P4HA1: variants seen among roughly 807,000 people sequenced by gnomAD.
P4HA1 encodes the protein prolyl 4-hydroxylase subunit alpha 1.
A neutral mutation model predicts 72.8 loss-of-function variants in P4HA1; 24 were observed. The observed-to-expected ratio is 0.33, with a 90% CI of 0.24 to 0.46. The LOEUF (loss-of-function observed/expected upper bound fraction) is 0.46, where lower values mean the gene tolerates loss of function less well. P4HA1 is among the 20% of genes least tolerant of loss of function. P4HA1 has a pLI of 1.00. For missense variants in P4HA1, 446 were observed against 640.6 expected, an observed-to-expected ratio of 0.70 and a Z score of 3.28; for synonymous variants, 201 against 218.8, an observed-to-expected ratio of 0.92 and a Z score of 0.72.
chr10:73,084,341 G>A (rs917164636), intron 1 of P4HA1, among the ~76,000 whole-genome samples: 1 of 152,204 alleles, frequency 6.6e-6, no homozygotes, highest in Non-Finnish European at 1.5e-5. Context: ...TGCCCAGTCT[G>A]GAGTGCAGTG....
chr10:73,078,364 C>T (rs1166490468), intron 1 of P4HA1, among the ~76,000 whole-genome samples: 2 of 151,972 alleles, frequency 1.3e-5, no homozygotes, highest in East Asian at 3.9e-4. Flanking sequence ...ATGAACACAT[C>T]CTTTAACTTG....
rs142956792 is a variant in P4HA1 at position 73,074,081 on chromosome 10, A to G, written c.77-254T>C. The G allele has an allele frequency of 2.8e-5, 11 of 386,134 alleles. No individual in the cohort carries two copies. In the East Asian group the frequency reaches 4.8e-4, roughly 17 times the overall value. The allele number at this position is 386,134 out of a possible 1,614,324, so 23.9% of individuals were successfully genotyped here. On this transcript the variant is annotated intron_variant, in intron 2 of 14. Coordinates refer to ENST00000394890, the MANE Select transcript of P4HA1 (RefSeq NM_001017962.3). ...TAGACTGTGCTAGCAAATTGTCTTT[A>G]TATCTACAAATGTATTTTTAAATTG...
chr10:73,037,010 T>TA lies in P4HA1; in HGVS notation c.1149-6641dup, dbSNP rs11393613. On this transcript the variant is annotated intron_variant, in intron 9 of 14. Transcript: ENST00000394890. Reference sequence around the variant, plus strand: ...CTTTAACTGAGTTGGGATTTTTTTTTAATGTTATAGCATTTAATAGGAAAA... The same window carrying TA: ...CTTTAACTGAGTTGGGATTTTTTTTTAAATGTTATAGCATTTAATAGGAAAA... 1.8e-3 allele frequency among the ~76,000 whole-genome samples: 271 copies of TA among 152,220 alleles called. 3 individuals carry two copies. The highest frequency in any genetic ancestry group is 6.2e-3 in the African/African-American group (257 of 41,514).
chr10:73,041,523 A>T (rs1178531499), intron 9 of P4HA1, among the ~76,000 whole-genome samples: 2 of 150,578 alleles, frequency 1.3e-5, no homozygotes, highest in African/African-American at 4.9e-5. Context: ...CCTGGGGGCG[A>T]CAGAGCAAGA....
intron 1 of P4HA1, among the ~76,000 whole-genome samples, chr10:73,092,106 G>A (rs1842042469): frequency 6.6e-6 from 1 of 152,130 alleles, no homozygotes; most frequent in Admixed American, 6.6e-5. Flanking sequence ...TTGAGGTAAA[G>A]AGAGACAAAA....
intron 1 of P4HA1, among the ~76,000 whole-genome samples, chr10:73,093,062 G>A (rs180695739): frequency 8.6e-5 from 13 of 151,240 alleles, no homozygotes; most frequent in African/African-American, 2.7e-4. Flanking sequence ...CAAGGCTGCA[G>A]TGAGCTATGG....
intron 1 of P4HA1, among the ~76,000 whole-genome samples, chr10:73,088,593 G>A (rs2133164484): frequency 6.6e-6 from 1 of 152,332 alleles, no homozygotes; most frequent in Middle Eastern, 3.4e-3. Flanking sequence ...GCTGTTTACT[G>A]TGTGATTAAA....
intron 9 of P4HA1, among the ~76,000 whole-genome samples, chr10:73,041,547 CCA>C (rs1564626286): frequency 1.4e-5 from 2 of 146,692 alleles, no homozygotes; most frequent in African/African-American, 5.1e-5. Context: ...CATCCCCCCC[CCA>C]AAAAAAAAAA....
intron 9 of P4HA1, among the ~76,000 whole-genome samples, chr10:73,033,863 GAATA>G (rs983930252): frequency 3.0e-4 from 46 of 152,222 alleles, no homozygotes; most frequent in African/African-American, 1.0e-3. Flanking sequence ...GCAACAAAAG[GAATA>G]AATAAATGGG....
At chr10:73,072,300 T>C in intron 3 of P4HA1, 120 bp from the exon 4 acceptor site, 1 of 727,526 alleles carries the variant, frequency 1.4e-6, no homozygotes, top group South Asian at 2.0e-5. Context: ...CTGTAGTTTC[T>C]TTTTAAAGTA....
At chr10:73,072,481 T>TA (rs1564634702) in intron 3 of P4HA1, among the ~76,000 whole-genome samples, 1 of 152,200 alleles carries the variant, frequency 6.6e-6, no homozygotes, top group Non-Finnish European at 1.5e-5. Flanking sequence ...CTAAAAATTT[T>TA]AGACTTAGGT....
At chr10:73,027,608 G>GGGAA (rs1359755085) in intron 10 of P4HA1, among the ~76,000 whole-genome samples, 2 of 122,264 alleles carry the variant, frequency 1.6e-5, no homozygotes, top group Non-Finnish European at 3.3e-5. Context: ...AAAAAAAAAA[G>GGGAA]GGAAGGAAGG....
In P4HA1 at chr10:73,074,886, T is replaced by C; in HGVS notation, c.-3A>G. 1 of 1,413,872 alleles carries C rather than the reference T, an allele frequency of 7.1e-7. No homozygotes were observed. Among genetic ancestry groups the C allele is most frequent in the Non-Finnish European group, 9.9e-7 (1 of 1,005,344 alleles). 87.6% of individuals were successfully genotyped at this position (1,413,872 alleles called of 1,614,324 possible). On this transcript the variant is annotated 5_prime_UTR_variant, in exon 2 of 15. Transcript: ENST00000394890. The stretch of plus-strand genomic sequence containing the variant: ...ATAATTAATATATACCAGATCATCT[T>C]GGAAGATTTAATTTTACAGGATCAC...
intron 5 of P4HA1, among the ~76,000 whole-genome samples, chr10:73,059,959 G>T (rs184011486): frequency 6.6e-6 from 1 of 151,708 alleles, no homozygotes; most frequent in Admixed American, 6.6e-5. Context: ...ACAAACAAAT[G>T]AAAACAATGA....
chr10:73,092,005 T>C (rs1218355327), intron 1 of P4HA1, among the ~76,000 whole-genome samples: 2 of 152,194 alleles, frequency 1.3e-5, no homozygotes, highest in East Asian at 3.8e-4. Context: ...AAGGCTATTC[T>C]GTCAAAATTC....
intron 1 of P4HA1, among the ~76,000 whole-genome samples, chr10:73,085,771 C>A (rs75008637): frequency 6.6e-6 from 1 of 152,166 alleles, no homozygotes; most frequent in Non-Finnish European, 1.5e-5. Flanking sequence ...TCATTCATCA[C>A]TATGAAAATG....
At chr10:73,054,843 A>C (rs969853894) in intron 5 of P4HA1, among the ~76,000 whole-genome samples, 6 of 152,128 alleles carry the variant, frequency 3.9e-5, no homozygotes, top group Non-Finnish European at 5.9e-5. Flanking sequence ...TTCCCTGGTG[A>C]CTAGTTATGT....
At chr10:73,090,869 C>T (rs531756355) in intron 1 of P4HA1, among the ~76,000 whole-genome samples, 7 of 151,490 alleles carry the variant, frequency 4.6e-5, no homozygotes, top group East Asian at 1.9e-4. Flanking sequence ...GAGACCCGCC[C>T]GGCCAAGATG....
intron 9 of P4HA1, among the ~76,000 whole-genome samples, chr10:73,042,911 G>A (rs1294741051): frequency 6.6e-6 from 1 of 152,086 alleles, no homozygotes; most frequent in African/African-American, 2.4e-5. Flanking sequence ...TGTCAATAGT[G>A]CTATTGATAA....
Sources: gnomAD v4.1 joint callset for allele counts (sites outside exome capture counted in the v4.1 genomes callset) on GRCh38, gnomAD v4.1.1 for gene constraint, MANE v1.5 for transcripts, NCBI Gene and HGNC (gene_info 2026-07-23, HGNC 2026-07-21) for gene names.